SPATC1: variants seen among roughly 807,000 people sequenced by gnomAD.
SPATC1 encodes spermatogenesis and centriole associated 1, also known as speriolin.
In SPATC1, 35 loss-of-function variants were observed where a neutral mutation model predicts 36.5. The observed-to-expected ratio is 0.96, with a 90% CI of 0.73 to 1.27. The LOEUF is 1.27. SPATC1 is among the 50% of genes most tolerant of loss of function. The probability of loss-of-function intolerance (pLI) is 0.00; values close to 1 mark genes in which losing one functional copy is unlikely to be tolerated. For synonymous variants in SPATC1, 361 were observed against 353.6 expected (o/e 1.02, Z -0.24); for missense variants, 779 against 796.0 (o/e 0.98, Z 0.26).
chr8:144,015,260 A>C (rs1212689433), intron 1 of SPATC1, among the ~76,000 whole-genome samples: 2 of 150,996 alleles, frequency 1.3e-5, no homozygotes, highest in African/African-American at 4.9e-5. Flanking sequence ...CAAGCTGGCC[A>C]CACTGGTCTC....
chr8:144,021,250 GACTCTCTTCCTTCAGGA>G (rs1834523805), intron 1 of SPATC1, among the ~76,000 whole-genome samples: 7 of 138,082 alleles, frequency 5.1e-5, no homozygotes, highest in Non-Finnish European at 6.4e-5. Context: ...CTCCCCTCAG[GACTCTCTTCCTTCAGGA>G]CCCCCTTCCC....
Position 144,047,071 on chromosome 8 carries a change from C to A in SPATC1, c.*115C>A. ...TGCCAGCGCTCCTGGGTGGTGCTGC[C>A]TCCTCTGGGGTGGCTCACCGGGCCC... On this transcript the variant is annotated 3_prime_UTR_variant, in exon 5 of 5. Coordinates refer to ENST00000377470, the MANE Select transcript of SPATC1 (RefSeq NM_198572.3). The surrounding 1 kb of genome is among the most constrained non-coding windows in gnomAD (Gnocchi z 4.1). 1 of 1,327,938 alleles carries A rather than the reference C, an allele frequency of 7.5e-7. No individual in the cohort carries two copies. The highest frequency in any genetic ancestry group is 1.0e-6 in the Non-Finnish European group (1 of 985,890). The allele number at this position is 1,327,938 out of a possible 1,614,324, so 82.3% of individuals were successfully genotyped here.
chr8:144,042,311 A>ATATATTTT (rs1412021347), intron 4 of SPATC1, among the ~76,000 whole-genome samples: 10 of 23,884 alleles, frequency 4.2e-4, no homozygotes, highest in Non-Finnish European at 6.3e-4. Context: ...ATATATATAT[A>ATATATTTT]TTTTTTTTTT....
rs78691068 is a variant in SPATC1, at chr8:144,040,406, G to T, written c.709G>T (p.Gly237Ter). 8.8e-5 allele frequency: 142 copies of T among 1,611,238 alleles called. 1 individual carries two copies. The African/African-American group carries it at 1.8e-3, about 21-fold the overall frequency. Reference sequence around the variant, plus strand: ...GCTGCGGCTGGCTGAGCCACTCCGCGGAGGCCCCACTGGGCCCCAGTCCCC... The same window carrying T: ...GCTGCGGCTGGCTGAGCCACTCCGCTGAGGCCCCACTGGGCCCCAGTCCCC... Reference protein sequence around the residue: ...PRLRLAEPLRGGPTGPQSPAC... With the variant: ...PRLRLAEPLR Residue 237 changes from glycine (G) to a stop codon, truncating the protein, a stop_gained, in exon 2 of 5, where the codon GGA becomes TGA. Coordinates refer to ENST00000377470, the MANE Select transcript of SPATC1 (RefSeq NM_198572.3). LOFTEE classifies it high-confidence loss of function.
intron 1 of SPATC1, among the ~76,000 whole-genome samples, chr8:144,025,265 A>G (rs1308131399): frequency 2.6e-5 from 4 of 151,712 alleles, no homozygotes; most frequent in Non-Finnish European, 5.9e-5. Context: ...TCCCCTCACA[A>G]TCCTCCCCTT....
At position 144,046,491 on chromosome 8, in the gene SPATC1, G is replaced by A. The variant is rs1436835014; in HGVS notation, c.1447-136G>A. Reference sequence around the variant, plus strand: ...CCCCTGTCCTAGATTCTTGAGGTCTGTCGCAGAACCTCCCCACCGCACACC... The same window carrying A: ...CCCCTGTCCTAGATTCTTGAGGTCTATCGCAGAACCTCCCCACCGCACACC... On this transcript the variant is annotated intron_variant, in intron 4 of 4. Transcript: ENST00000377470. The surrounding 1 kb of genome is among the most constrained non-coding windows in gnomAD (Gnocchi z 6.6). The A allele has an allele frequency of 2.5e-6, 2 of 787,878 alleles. No homozygotes were observed. Among genetic ancestry groups the A allele is most frequent in the South Asian group, 1.8e-5 (1 of 56,244 alleles). The allele number at this position is 787,878 out of a possible 1,614,324, so 48.8% of individuals were successfully genotyped here.
chr8:144,012,355 A>G lies in SPATC1; in HGVS notation c.-161A>G, dbSNP rs1244630937. 26 of 628,900 alleles carry G rather than the reference A, an allele frequency of 4.1e-5. No homozygotes were observed. The highest frequency in any genetic ancestry group is 2.8e-5 in the Admixed American group (1 of 35,746). 39.0% of individuals were successfully genotyped at this position (628,900 alleles called of 1,614,324 possible). ...CTGAGGGTGTTAGAGCAGAGAGGGC[A>G]AGGAAGAGGGCACAGCCTCTGACCT... On this transcript the variant is annotated 5_prime_UTR_variant, in exon 1 of 5. Transcript: ENST00000377470.
intron 1 of SPATC1, among the ~76,000 whole-genome samples, chr8:144,014,436 G>A (rs558953649): frequency 2.0e-5 from 3 of 149,852 alleles, no homozygotes; most frequent in African/African-American, 7.4e-5. Context: ...AAGAAAGAAG[G>A]AAGAAGAAGA....
At position 144,045,366 on chromosome 8, in the gene SPATC1, G is replaced by A. The variant is rs1352518843; in HGVS notation, c.1447-1261G>A. Among the ~76,000 whole-genome samples, 3 of 152,214 alleles carry A rather than the reference G, an allele frequency of 2.0e-5. No individual in the cohort carries two copies. Among genetic ancestry groups the A allele is most frequent in the East Asian group, 1.9e-4 (1 of 5,198 alleles). Reference sequence around the variant, plus strand: ...CTGGGAGCACTTAGCAGAGGTTGACGTCACATTAACCGGGCCCGGTCCTGA... The same window carrying A: ...CTGGGAGCACTTAGCAGAGGTTGACATCACATTAACCGGGCCCGGTCCTGA... On this transcript the variant is annotated intron_variant, in intron 4 of 4. Coordinates refer to ENST00000377470, the MANE Select transcript of SPATC1 (RefSeq NM_198572.3). The surrounding 1 kb of genome is among the most constrained non-coding windows in gnomAD (Gnocchi z 5.2).
Position 144,040,425 on chromosome 8 carries a change from A to C in SPATC1, c.728A>C (p.Gln243Pro). Residue 243 changes from glutamine (Q) to proline (P), a missense_variant, in exon 2 of 5, where the codon CAG (glutamine) becomes CCG (proline). Transcript: ENST00000377470. ...EPLRGGPTGP[Q>P]SPACVVPTAT... ...CTCCGCGGAGGCCCCACTGGGCCCC[A>C]GTCCCCAGCTTGCGTGGTACCCACT... is the stretch of plus-strand genomic sequence containing the variant. The C allele has an allele frequency of 1.2e-6, 2 of 1,608,318 alleles. No individual in the cohort carries two copies. The highest frequency in any genetic ancestry group is 1.7e-6 in the Non-Finnish European group (2 of 1,177,998).
Position 144,041,041 on chromosome 8 carries a change from A to G in SPATC1, c.1240A>G (p.Ser414Gly), listed in dbSNP as rs1835079797. The change falls in exon 3 of 5, where the codon AGC becomes GGC. Residue 414 changes from serine (S) to glycine (G), a missense_variant. Coordinates refer to ENST00000377470, the MANE Select transcript of SPATC1 (RefSeq NM_198572.3). Reference protein sequence around the residue: ...GPRTTEPSTKSMMEVERKLAH... With the variant: ...GPRTTEPSTKGMMEVERKLAH... The stretch of plus-strand genomic sequence containing the variant: ...ACGCACCACAGAACCGTCGACGAAG[A>G]GCATGATGGAGGTGGAACGGAAGCT... 1.2e-6 allele frequency: 2 copies of G among 1,608,648 alleles called. No homozygotes were observed. Among genetic ancestry groups the G allele is most frequent in the Admixed American group, 3.4e-5 (2 of 59,236 alleles).
chr8:144,019,895 G>A (rs931037681), intron 1 of SPATC1, among the ~76,000 whole-genome samples: 1 of 146,706 alleles, frequency 6.8e-6, no homozygotes, highest in African/African-American at 2.5e-5. Context: ...GGGCCGCCTC[G>A]TCCTGCTCTC....
At chr8:144,026,801 TTC>T (rs1256156227) in intron 1 of SPATC1, among the ~76,000 whole-genome samples, 332 of 149,950 alleles carry the variant, frequency 2.2e-3, no homozygotes, top group African/African-American at 8.0e-3. Flanking sequence ...TTTAATTTCT[TTC>T]TTTTTCTTTT....
rs781916975 is a variant in SPATC1, at chr8:144,041,332, C to T, written c.1407C>T (p.Tyr469=). The T allele has an allele frequency of 1.6e-5, 26 of 1,612,150 alleles. No homozygotes were observed. Among genetic ancestry groups the T allele is most frequent in the East Asian group, 4.5e-5 (2 of 44,906 alleles). Residue 469 remains tyrosine (Y), a synonymous_variant, in exon 4 of 5, where the codon TAC becomes TAT. Coordinates refer to ENST00000377470, the MANE Select transcript of SPATC1 (RefSeq NM_198572.3). ...TCTTCCCAGAGCGCGTACGGCTCTA[C>T]GGCTTCACTGTCTCCAACATCCCAG... is the stretch of plus-strand genomic sequence containing the variant. ...SSIFPERVRL[Y]GFTVSNIPEK... is the part of the protein sequence containing the mutation.
intron 1 of SPATC1, among the ~76,000 whole-genome samples, chr8:144,023,807 TGTCCCTGTCCCCTCAGGAC>T (rs1587498347): frequency 0.16 from 54 of 330 alleles, 27 homozygotes; most frequent in South Asian, 0.67. Flanking sequence ...TCTAGAACCC[TGTCCCTGTCCCCTCAGGAC>T]CTCCCCTTAG....
At position 144,016,081 on chromosome 8, in the gene SPATC1, A is replaced by G. The variant is rs1407116898; in HGVS notation, c.211+3355A>G. ...CTCTGTCTCAAAAAAAAAAAAAAGA[A>G]AAAAGAAAGAAAGAAAGAAAAGAAA... On this transcript the variant is annotated intron_variant, in intron 1 of 4. Coordinates refer to ENST00000377470, the MANE Select transcript of SPATC1 (RefSeq NM_198572.3). The surrounding 1 kb of genome is among the most constrained non-coding windows in gnomAD (Gnocchi z 4.5). Among the ~76,000 whole-genome samples the G allele has an allele frequency of 6.6e-6, 1 of 151,206 alleles. No individual in the cohort carries two copies. The highest frequency in any genetic ancestry group is 2.4e-5 in the African/African-American group (1 of 41,114).
rs931306208 is a variant in SPATC1 at position 144,045,687 on chromosome 8, G to C, written c.1447-940G>C. ...CCGTGGCTCTGTGGGCCTGTGCAGAGAGCGGGCAGGGCCAAGCCTGGAGGC... is the reference window on the plus strand; with the variant it reads ...CCGTGGCTCTGTGGGCCTGTGCAGACAGCGGGCAGGGCCAAGCCTGGAGGC... On this transcript the variant is annotated intron_variant, in intron 4 of 4. Coordinates refer to ENST00000377470, the MANE Select transcript of SPATC1 (RefSeq NM_198572.3). This position sits in a 1 kb window ranked among gnomAD's most constrained non-coding sequence, Gnocchi z 5.2. Among the ~76,000 whole-genome samples the C allele has an allele frequency of 3.3e-5, 5 of 152,252 alleles. No homozygotes were observed. Among genetic ancestry groups the C allele is most frequent in the African/African-American group, 1.2e-4 (5 of 41,464 alleles).
At position 144,016,886 on chromosome 8, in the gene SPATC1, A is replaced by T. The variant is rs1834405116; in HGVS notation, c.211+4160A>T. Among the ~76,000 whole-genome samples, 1 of 152,104 alleles carries T rather than the reference A, an allele frequency of 6.6e-6. No homozygotes were observed. Among genetic ancestry groups the T allele is most frequent in the Admixed American group, 6.5e-5 (1 of 15,268 alleles). On this transcript the variant is annotated intron_variant, in intron 1 of 4. Transcript: ENST00000377470. The surrounding 1 kb of genome is among the most constrained non-coding windows in gnomAD (Gnocchi z 4.5). ...ACTCCCGACTTCAGGTGATCCGCCC[A>T]CCTTGGCCTCCCAAAGTGCTGGGAA...
chr8:144,044,672 C>T (rs782727651), intron 4 of SPATC1, among the ~76,000 whole-genome samples: 2 of 151,662 alleles, frequency 1.3e-5, no homozygotes, highest in Non-Finnish European at 2.9e-5. Context: ...CTCAGCCAGG[C>T]ATGGTGGCTC....
Sources: allele counts gnomAD v4.1 joint callset (sites outside exome capture counted in the v4.1 genomes callset), GRCh38; gene constraint gnomAD v4.1.1; non-coding constraint Gnocchi (gnomAD v3.1); transcripts MANE v1.5; gene names NCBI Gene and HGNC (gene_info 2026-07-23, HGNC 2026-07-21).